The following PTPRF variants were observed in gnomAD, a reference collection of about 807,000 sequenced individuals.
PTPRF encodes the protein protein tyrosine phosphatase receptor type F.
In PTPRF, 59 loss-of-function variants were observed where a neutral mutation model predicts 201.8. The observed-to-expected ratio is 0.29, with a 90% CI of 0.24 to 0.36. The LOEUF (loss-of-function observed/expected upper bound fraction) is 0.36. PTPRF is among the 10% of genes least tolerant of loss of function. The pLI is 1.00. For synonymous variants in PTPRF, 1,088 were observed against 1,089.7 expected (o/e 1.00, Z 0.03); for missense variants, 2,132 against 2,690.5 (o/e 0.79, Z 4.59).
chr1:43,600,570 G>A (rs1653505588), intron 13 of PTPRF, among the ~76,000 whole-genome samples: 3 of 151,984 alleles, frequency 2.0e-5, no homozygotes, highest in South Asian at 2.1e-4. Context: ...TGTCAAGGGC[G>A]GCACATTCTG....
chr1:43,617,558 C>G lies in PTPRF; in HGVS notation c.4185C>G (p.Thr1395=), dbSNP rs766854696. ...ACGACCACTCTCGAGTCATCCTTAC[C>G]TCTATCGATGGTGAGCCAAGGGGGT... ...IAYDHSRVIL[T]SIDGVPGSDY... Residue 1395 remains threonine, a synonymous_variant, in exon 24 of 34, where the codon ACC becomes ACG. Coordinates refer to ENST00000359947, the MANE Select transcript of PTPRF (RefSeq NM_002840.5). 26 of 1,613,986 alleles carry G rather than the reference C, an allele frequency of 1.6e-5. No individual in the cohort carries two copies. In the South Asian group the frequency reaches 2.7e-4, roughly 17 times the overall value.
chr1:43,568,497 G>C (rs980151671), intron 5 of PTPRF, among the ~76,000 whole-genome samples: 1 of 152,196 alleles, frequency 6.6e-6, no homozygotes, highest in Non-Finnish European at 1.5e-5. Flanking sequence ...TTGCATGCAT[G>C]ATCAGATACA....
chr1:43,563,773 G>A (rs889996441), intron 5 of PTPRF, among the ~76,000 whole-genome samples: 6 of 152,296 alleles, frequency 3.9e-5, no homozygotes, highest in East Asian at 3.9e-4. Context: ...GGAAGGGCCC[G>A]AACCTAGGGA....
chr1:43,550,880 G>T (rs1281029643), intron 3 of PTPRF, among the ~76,000 whole-genome samples: 1 of 152,204 alleles, frequency 6.6e-6, no homozygotes. Context: ...AAGTTAGAGT[G>T]TATGGCGGAG....
chr1:43,561,137 C>T (rs1043089623), intron 5 of PTPRF, among the ~76,000 whole-genome samples: 1 of 152,150 alleles, frequency 6.6e-6, no homozygotes, highest in Non-Finnish European at 1.5e-5. Context: ...ACCCCCTGAC[C>T]ACTCCACAAC....
At chr1:43,531,845 C>G (rs557245857) in intron 1 of PTPRF, among the ~76,000 whole-genome samples, 1 of 152,194 alleles carries the variant, frequency 6.6e-6, no homozygotes, top group East Asian at 1.9e-4. Context: ...CGTCCCGTCC[C>G]GTCCCGGCTC....
chr1:43,534,655 T>C (rs1203356719), intron 1 of PTPRF, among the ~76,000 whole-genome samples: 1 of 151,942 alleles, frequency 6.6e-6, no homozygotes, highest in Admixed American at 6.6e-5. Flanking sequence ...ACTTGGGACA[T>C]TGGAGGCTCA....
intron 1 of PTPRF, among the ~76,000 whole-genome samples, chr1:43,532,780 A>C (rs1454417631): frequency 6.6e-6 from 1 of 151,602 alleles, no homozygotes; most frequent in Non-Finnish European, 1.5e-5. Flanking sequence ...AGCAGGTGTA[A>C]CTCCCCAAGT....
At chr1:43,560,946 A>G (rs1038884718) in intron 5 of PTPRF, among the ~76,000 whole-genome samples, 1 of 152,078 alleles carries the variant, frequency 6.6e-6, no homozygotes, top group African/African-American at 2.4e-5. Context: ...AGGTGTCTCG[A>G]TGGAGTGCCT....
intron 7 of PTPRF, among the ~76,000 whole-genome samples, chr1:43,580,237 T>C (rs1282996932): frequency 6.6e-6 from 1 of 152,196 alleles, no homozygotes; most frequent in African/African-American, 2.4e-5. Context: ...CCTGTCCGAC[T>C]CTTTGGGGCC....
At chr1:43,611,399 G>T (rs1656413578) in intron 22 of PTPRF, among the ~76,000 whole-genome samples, 1 of 152,190 alleles carries the variant, frequency 6.6e-6, no homozygotes, top group South Asian at 2.1e-4. Context: ...AGAAGCTTGG[G>T]CAGATTGCAT....
At chr1:43,548,159 A>G (rs1644800043) in intron 3 of PTPRF, among the ~76,000 whole-genome samples, 1 of 151,542 alleles carries the variant, frequency 6.6e-6, no homozygotes, top group Non-Finnish European at 1.5e-5. Flanking sequence ...GCGGGGAAGA[A>G]GCACGAATGT....
chr1:43,560,052 G>T (rs1275414950), intron 5 of PTPRF, among the ~76,000 whole-genome samples: 1 of 148,882 alleles, frequency 6.7e-6, no homozygotes, highest in African/African-American at 2.5e-5. Flanking sequence ...AGTTTGCAGG[G>T]GTGTACAGCA....
intron 2 of PTPRF, among the ~76,000 whole-genome samples, chr1:43,539,939 T>G (rs989928816): frequency 5.3e-5 from 8 of 152,182 alleles, no homozygotes; most frequent in African/African-American, 1.9e-4. Flanking sequence ...ATACAGGAGT[T>G]AAGCCAGGTT....
chr1:43,616,545 G>A (rs667676), intron 23 of PTPRF, among the ~76,000 whole-genome samples: 117,972 of 151,202 alleles, frequency 0.78, 46,877 homozygotes, highest in African/African-American at 0.92. Flanking sequence ...GGGGGTGGGG[G>A]AGCACCAGAA....
chr1:43,530,213 G>T (rs1000634506), upstream of PTPRF, among the ~76,000 whole-genome samples: 4 of 152,040 alleles, frequency 2.6e-5, no homozygotes, highest in Non-Finnish European at 5.9e-5. The surrounding 1 kb of genome is among the most constrained non-coding windows in gnomAD (Gnocchi z 4.1). Context: ...AATTCAGAGT[G>T]CATTGGTGTT....
At chr1:43,561,386 T>C (rs1645797755) in intron 5 of PTPRF, among the ~76,000 whole-genome samples, 1 of 152,164 alleles carries the variant, frequency 6.6e-6, no homozygotes, top group South Asian at 2.1e-4. Context: ...AGGCCTGACT[T>C]TGATGGCTGG....
chr1:43,596,552 G>A (rs1014011048), intron 11 of PTPRF, among the ~76,000 whole-genome samples: 1 of 152,186 alleles, frequency 6.6e-6, no homozygotes, highest in African/African-American at 2.4e-5. Flanking sequence ...CACCTCTGTT[G>A]GTGGGTACTT....
Position 43,591,840 on chromosome 1 carries a change from C to T in PTPRF, c.1560C>T (p.Ala520=), listed in dbSNP as rs138493601. 200 of 1,613,226 alleles carry T rather than the reference C, an allele frequency of 1.2e-4. No individual in the cohort carries two copies. Among genetic ancestry groups the T allele is most frequent in the African/African-American group, 1.5e-4 (11 of 74,900 alleles). The stretch of plus-strand genomic sequence containing the variant: ...CTGCCCAGCCCGCGGACTTCCAGGC[C>T]GAGGTGGAGTCGGACACCAGGATCC... ...GVPAQPADFQ[A]EVESDTRIQL... Residue 520 remains alanine, a synonymous_variant, in exon 10 of 34, where the codon GCC becomes GCT. Coordinates refer to ENST00000359947, the MANE Select transcript of PTPRF (RefSeq NM_002840.5).
Sources: allele counts gnomAD v4.1 joint callset (sites outside exome capture counted in the v4.1 genomes callset), GRCh38; gene constraint gnomAD v4.1.1; non-coding constraint Gnocchi (gnomAD v3.1); transcripts MANE v1.5; gene names NCBI Gene and HGNC (gene_info 2026-07-23, HGNC 2026-07-21).